The following ZBTB46 variants were observed in gnomAD, a reference collection of about 807,000 sequenced individuals.
ZBTB46 encodes the protein zinc finger and BTB domain-containing protein 46.
ZBTB46 carries 8 observed loss-of-function variants against 44.1 expected under a neutral mutation model. The observed-to-expected ratio is 0.18, with a 90% CI of 0.11 to 0.33. The LOEUF (loss-of-function observed/expected upper bound fraction) is 0.33, where lower values mean the gene tolerates loss of function less well. Ranked by LOEUF, ZBTB46 falls within the 10% of genes least tolerant of loss-of-function variation. The pLI is 1.00. For synonymous variants in ZBTB46, 409 were observed against 382.3 expected (o/e 1.07, Z -0.81); for missense variants, 651 against 847.7 (o/e 0.77, Z 2.88).
At chr20:63,796,825 C>CA (rs1000146367) in intron 1 of ZBTB46, among the ~76,000 whole-genome samples, 2 of 151,566 alleles carry the variant, frequency 1.3e-5, no homozygotes, top group African/African-American at 4.8e-5. Context: ...GACTCCATCT[C>CA]AAAAAAATAA....
chr20:63,754,043 C>A (rs1047949537), intron 3 of ZBTB46, among the ~76,000 whole-genome samples: 1 of 152,224 alleles, frequency 6.6e-6, no homozygotes, highest in East Asian at 1.9e-4. Flanking sequence ...AAAGGCAGCT[C>A]TAACAGGAAA....
intron 2 of ZBTB46, among the ~76,000 whole-genome samples, chr20:63,786,589 G>A (rs552261023): frequency 2.4e-4 from 37 of 152,188 alleles, no homozygotes; most frequent in Non-Finnish European, 1.0e-4. Flanking sequence ...TCAGCTCACC[G>A]CAACCTCCGC....
intron 2 of ZBTB46, among the ~76,000 whole-genome samples, chr20:63,786,515 G>A (rs539001529): frequency 3.7e-4 from 57 of 152,080 alleles, no homozygotes; most frequent in African/African-American, 1.3e-3. Context: ...TTTTTGATTT[G>A]TTTTGTTTTG....
chr20:63,773,255 G>A (rs1016625815), intron 3 of ZBTB46, among the ~76,000 whole-genome samples: 5 of 131,782 alleles, frequency 3.8e-5, no homozygotes, highest in African/African-American at 6.1e-5. Context: ...TTGAGACAGT[G>A]TCTCACTCTG....
At chr20:63,784,291 G>T (rs2145903517) in intron 2 of ZBTB46, among the ~76,000 whole-genome samples, 1 of 152,336 alleles carries the variant, frequency 6.6e-6, no homozygotes, top group South Asian at 2.1e-4. Context: ...TACCCTGAGA[G>T]CTGGGACCCT....
chr20:63,751,832 G>A (rs1384085869), intron 4 of ZBTB46, among the ~76,000 whole-genome samples: 1 of 143,078 alleles, frequency 7.0e-6, no homozygotes, highest in African/African-American at 2.6e-5. Flanking sequence ...CCGCCCCCCG[G>A]TGGGTCTCCC....
rs2092659516 is a variant in ZBTB46, at chr20:63,803,066, C to A, written c.-33-12276G>T. Among the ~76,000 whole-genome samples, 1 of 152,176 alleles carries A rather than the reference C, an allele frequency of 6.6e-6. No homozygotes were observed. The highest frequency in any genetic ancestry group is 1.5e-5 in the Non-Finnish European group (1 of 68,038). On this transcript the variant is annotated intron_variant, in intron 1 of 4. Coordinates refer to ENST00000245663, the MANE Select transcript of ZBTB46 (RefSeq NM_001369741.1). This position sits in a 1 kb window ranked among gnomAD's most constrained non-coding sequence, Gnocchi z 4.0. Reference sequence around the variant, plus strand: ...CAACAGGAGGAAACACGTTTCTGGGCAGCTCTGCCCACTCTTGCGAAGAAA... The same window carrying A: ...CAACAGGAGGAAACACGTTTCTGGGAAGCTCTGCCCACTCTTGCGAAGAAA...
At chr20:63,793,555 T>C (rs2092577411) in intron 1 of ZBTB46, among the ~76,000 whole-genome samples, 1 of 151,012 alleles carries the variant, frequency 6.6e-6, no homozygotes, top group South Asian at 2.1e-4. Context: ...ACCGATCATA[T>C]TTAATTTCCT....
chr20:63,831,570 C>T (rs1481742344), upstream of ZBTB46, among the ~76,000 whole-genome samples: 1 of 148,960 alleles, frequency 6.7e-6, no homozygotes, highest in African/African-American at 2.4e-5. Flanking sequence ...GGGAAGCCCC[C>T]TCCCCTGGGC....
At chr20:63,792,048 C>T (rs539067656) in intron 1 of ZBTB46, among the ~76,000 whole-genome samples, 75 of 152,320 alleles carry the variant, frequency 4.9e-4, no homozygotes, top group Admixed American at 4.6e-4. Context: ...CGGCTTCTCC[C>T]GGTGTGCACG....
At chr20:63,830,550 C>T (rs1460805589) in intron 1 of ZBTB46, among the ~76,000 whole-genome samples, 1 of 150,336 alleles carries the variant, frequency 6.7e-6, no homozygotes. Flanking sequence ...GACCCGCCCG[C>T]GCCCACCTCC....
At chr20:63,783,315 G>C (rs2092485814) in intron 2 of ZBTB46, among the ~76,000 whole-genome samples, 1 of 152,142 alleles carries the variant, frequency 6.6e-6, no homozygotes, top group Non-Finnish European at 1.5e-5. Context: ...TGTAGTCCCA[G>C]CTACTCGGGA....
chr20:63,809,362 C>T (rs1037186725), intron 1 of ZBTB46, among the ~76,000 whole-genome samples: 4 of 152,192 alleles, frequency 2.6e-5, no homozygotes, highest in African/African-American at 9.6e-5. Context: ...CCACATCTTG[C>T]CTGTGTCCCC....
intron 3 of ZBTB46, 52 bp downstream of exon 3, chr20:63,775,626 T>C: frequency 1.3e-6 from 2 of 1,512,402 alleles, no homozygotes; most frequent in Non-Finnish European, 1.8e-6. Context: ...CCTGCAACCC[T>C]CAGCCTTCAA....
At chr20:63,821,911 A>G (rs985530768) in intron 1 of ZBTB46, among the ~76,000 whole-genome samples, 3 of 152,196 alleles carry the variant, frequency 2.0e-5, no homozygotes, top group African/African-American at 4.8e-5. Context: ...CTTCAGAAAT[A>G]AAAACCTTTG....
At position 63,787,719 on chromosome 20, in the gene ZBTB46, C is replaced by T. The variant is rs1446697872; in HGVS notation, c.937+2102G>A. ...AACCTATCCCTGTCATCAAGCAACG[C>T]GTGACTTTAATGCCAGTGAAATGTA... On this transcript the variant is annotated intron_variant, in intron 2 of 4. Transcript: ENST00000245663. This position sits in a 1 kb window ranked among gnomAD's most constrained non-coding sequence, Gnocchi z 4.6. 1 of 152,224 alleles carries T rather than the reference C, an allele frequency of 6.6e-6. No homozygotes were observed. Among genetic ancestry groups the T allele is most frequent in the African/African-American group, 2.4e-5 (1 of 41,450 alleles). 9.4% of individuals were successfully genotyped at this position (152,224 alleles called of 1,614,324 possible).
At chr20:63,833,496 C>CA (rs750003860), upstream of ZBTB46, among the ~76,000 whole-genome samples, 24 of 152,276 alleles carry the variant, frequency 1.6e-4, no homozygotes, top group Middle Eastern at 3.4e-3. Flanking sequence ...GAGGCTGAGG[C>CA]AGGAGAATGG....
rs112096311 is a variant in ZBTB46, at chr20:63,746,829, C to T, written c.*101G>A. ...TCAGGGGGAAGCAGAGGAGGGGCCG[C>T]GAGAGGGGTGAGCGTGGCCCTGGCC... On this transcript the variant is annotated 3_prime_UTR_variant, in exon 5 of 5. Transcript: ENST00000245663. 2,926 of 1,409,438 alleles carry T rather than the reference C, an allele frequency of 2.1e-3. 56 individuals are homozygous for T. The African/African-American group carries it at 0.039, about 19-fold the overall frequency. 87.3% of individuals were successfully genotyped at this position (1,409,438 alleles called of 1,614,324 possible). A position where few individuals can be genotyped will look rare whatever the true frequency, so the allele number is the denominator to read the frequency against.
intron 1 of ZBTB46, among the ~76,000 whole-genome samples, chr20:63,813,703 G>C (rs569387136): frequency 6.6e-6 from 1 of 152,156 alleles, no homozygotes; most frequent in Non-Finnish European, 1.5e-5. Flanking sequence ...GCATGAAACA[G>C]AGAGAAGAAA....
Sources: allele counts gnomAD v4.1 joint callset (sites outside exome capture counted in the v4.1 genomes callset), GRCh38; gene constraint gnomAD v4.1.1; non-coding constraint Gnocchi (gnomAD v3.1); transcripts MANE v1.5; gene names NCBI Gene and HGNC (gene_info 2026-07-23, HGNC 2026-07-21).